Variants in MAD1L1 observed in about 807,000 individuals in gnomAD.
MAD1L1 encodes the protein mitotic arrest deficient 1 like 1.
In MAD1L1, 95 loss-of-function variants were observed where a neutral mutation model predicts 96.9. The ratio of observed to expected loss-of-function variants is 0.98; its 90% CI spans 0.83 to 1.16. The LOEUF (loss-of-function observed/expected upper bound fraction) is 1.16. MAD1L1 is among the 50% of genes most tolerant of loss of function. The pLI is 0.00. For missense variants in MAD1L1, 1,007 were observed against 954.4 expected (o/e 1.06, Z -0.73); for synonymous variants, 473 against 396.6 (o/e 1.19, Z -2.29).
At chr7:1,913,975 G>T (rs571710786) in intron 17 of MAD1L1, among the ~76,000 whole-genome samples, 2 of 151,936 alleles carry the variant, frequency 1.3e-5, no homozygotes, top group Non-Finnish European at 2.9e-5. Flanking sequence ...CGCCATGCTG[G>T]GGGGGGAGAG....
intron 14 of MAD1L1, among the ~76,000 whole-genome samples, chr7:1,993,374 G>A (rs1781430921): frequency 6.6e-6 from 1 of 152,236 alleles, no homozygotes; most frequent in Admixed American, 6.5e-5. Context: ...CAATGCAAGA[G>A]GACTGGCAGG....
chr7:1,829,237 G>C (rs1301404860), intron 18 of MAD1L1, among the ~76,000 whole-genome samples: 1 of 152,204 alleles, frequency 6.6e-6, no homozygotes, highest in Admixed American at 6.5e-5. Context: ...GCCCTTCAGC[G>C]TGACTTACAG....
At chr7:1,983,768 T>C (rs1781031490) in intron 14 of MAD1L1, among the ~76,000 whole-genome samples, 1 of 152,238 alleles carries the variant, frequency 6.6e-6, no homozygotes, top group African/African-American at 2.4e-5. Flanking sequence ...GCTCAGTCAA[T>C]AGCTCCAGGT....
chr7:2,170,883 A>C (rs1306963257), intron 10 of MAD1L1, among the ~76,000 whole-genome samples: 1 of 152,184 alleles, frequency 6.6e-6, no homozygotes, highest in African/African-American at 2.4e-5. Flanking sequence ...TGCCTCTCCC[A>C]AGGATGGGAA....
rs10264315 is a variant in MAD1L1 at position 1,904,740 on chromosome 7, A to C, written c.1808-6350T>G. 3.1e-5 allele frequency among the ~76,000 whole-genome samples: 4 copies of C among 128,112 alleles called. 1 individual carries two copies. The highest frequency in any genetic ancestry group is 1.5e-4 in the African/African-American group (4 of 27,220). The allele number at this position is 128,112 out of a possible 152,430, so 84.0% of individuals were successfully genotyped here. ...GCTCTTGCGGAACTCATGATTGATC[A>C]ATCACTGTTCCAGGCAGCAAGCACG... On this transcript the variant is annotated intron_variant, in intron 17 of 18. Coordinates refer to ENST00000265854, the MANE Select transcript of MAD1L1 (RefSeq NM_001013836.2).
intron 15 of MAD1L1, among the ~76,000 whole-genome samples, chr7:1,963,315 C>CA (rs1780025891): frequency 6.6e-6 from 1 of 152,072 alleles, no homozygotes; most frequent in Non-Finnish European, 1.5e-5. Flanking sequence ...GTGGAAGAAG[C>CA]AAAAAGAGGG....
At chr7:1,914,985 G>A (rs925471362) in intron 17 of MAD1L1, among the ~76,000 whole-genome samples, 2 of 152,144 alleles carry the variant, frequency 1.3e-5, no homozygotes, top group African/African-American at 4.8e-5. Flanking sequence ...TGGCATCTAA[G>A]GATAGTGTGG....
chr7:1,854,753 A>G (rs1437727176), intron 18 of MAD1L1, among the ~76,000 whole-genome samples: 25 of 152,166 alleles, frequency 1.6e-4, no homozygotes. Flanking sequence ...CAGTCTCACC[A>G]ACCATCAACT....
intron 12 of MAD1L1, among the ~76,000 whole-genome samples, chr7:2,015,869 C>T (rs893838421): frequency 2.6e-5 from 4 of 152,322 alleles, no homozygotes; most frequent in Middle Eastern, 3.4e-3. Context: ...AACATGTGCC[C>T]CAGGGACATC....
At chr7:1,820,127 GA>G (rs1273792750) in intron 18 of MAD1L1, among the ~76,000 whole-genome samples, 5 of 152,158 alleles carry the variant, frequency 3.3e-5, no homozygotes, top group African/African-American at 1.2e-4. Context: ...ACCAGTCAGA[GA>G]AAGACAACAG....
chr7:1,872,420 C>A (rs1355957046), intron 18 of MAD1L1, among the ~76,000 whole-genome samples: 1 of 152,176 alleles, frequency 6.6e-6, no homozygotes, highest in South Asian at 2.1e-4. Context: ...CTCTGCGCTG[C>A]GGCTTCCCCG....
chr7:1,951,842 T>C (rs1779511765), intron 16 of MAD1L1, among the ~76,000 whole-genome samples: 1 of 152,170 alleles, frequency 6.6e-6, no homozygotes, highest in South Asian at 2.1e-4. Flanking sequence ...CATGCATCTG[T>C]CCACAGACGC....
At chr7:2,065,750 C>T (rs896860609) in intron 12 of MAD1L1, among the ~76,000 whole-genome samples, 2 of 152,184 alleles carry the variant, frequency 1.3e-5, no homozygotes, top group African/African-American at 4.8e-5. Context: ...GGACACCCAG[C>T]GTCAACTGCT....
chr7:2,221,169 C>T (rs958230480), intron 5 of MAD1L1: 13 of 691,618 alleles, frequency 1.9e-5, no homozygotes, highest in Admixed American at 8.2e-5. Flanking sequence ...CACCGGGCAC[C>T]GCCCTGCGGC....
chr7:1,908,189 G>A (rs982427720), intron 17 of MAD1L1, among the ~76,000 whole-genome samples: 1 of 152,224 alleles, frequency 6.6e-6, no homozygotes, highest in African/African-American at 2.4e-5. Context: ...TGGAACTGGG[G>A]ACCACCTGGC....
At chr7:1,932,718 GC>G (rs1441777832) in intron 17 of MAD1L1, among the ~76,000 whole-genome samples, 8 of 152,388 alleles carry the variant, frequency 5.2e-5, no homozygotes, top group Middle Eastern at 6.8e-3. Context: ...CCCAGTCTGA[GC>G]CTCTCCCGGG....
intron 5 of MAD1L1, chr7:2,220,768 AC>A: frequency 9.0e-7 from 1 of 1,108,980 alleles, no homozygotes; most frequent in Non-Finnish European, 1.3e-6. Flanking sequence ...TGTACGGTTT[AC>A]TTCACCACAA....
At chr7:1,952,709 A>T (rs1467058190) in intron 16 of MAD1L1, among the ~76,000 whole-genome samples, 1 of 152,156 alleles carries the variant, frequency 6.6e-6, no homozygotes, top group African/African-American at 2.4e-5. Flanking sequence ...CTTGCCTCAC[A>T]AAGGAGGCCC....
chr7:1,820,030 G>A (rs950734643), intron 18 of MAD1L1, among the ~76,000 whole-genome samples: 2 of 152,098 alleles, frequency 1.3e-5, no homozygotes, highest in Non-Finnish European at 2.9e-5. Flanking sequence ...ATGCTACTTC[G>A]AGATACTGGG....
Sources: gnomAD v4.1 joint callset for allele counts (sites outside exome capture counted in the v4.1 genomes callset) on GRCh38, gnomAD v4.1.1 for gene constraint, MANE v1.5 for transcripts, NCBI Gene and HGNC (gene_info 2026-07-23, HGNC 2026-07-21) for gene names.